TMTC2: variants seen among roughly 807,000 people sequenced by gnomAD.
The protein encoded by TMTC2 is protein O-mannosyl-transferase TMTC2.
In TMTC2, 43 loss-of-function variants were observed where a neutral mutation model predicts 82.4. That is an observed-to-expected ratio of 0.52 (90% CI 0.41 to 0.67). TMTC2 has a LOEUF of 0.67. Among genes scored for constraint, TMTC2 ranks in the 30% least tolerant of loss-of-function variants. The probability of loss-of-function intolerance (pLI) is 0.00; values close to 1 mark genes in which losing one functional copy is unlikely to be tolerated. For missense variants in TMTC2, 919 were observed against 1,012.4 expected (o/e 0.91, Z 1.25); for synonymous variants, 408 against 381.9 (o/e 1.07, Z -0.80).
intron 8 of TMTC2, among the ~76,000 whole-genome samples, chr12:83,019,081 G>C (rs1278231354): frequency 6.6e-6 from 1 of 152,022 alleles, no homozygotes; most frequent in East Asian, 1.9e-4. Context: ...GGCTTAATTT[G>C]GTCATGGCCA....
chr12:82,894,442 A>G (rs949233422), intron 2 of TMTC2, among the ~76,000 whole-genome samples: 1 of 152,214 alleles, frequency 6.6e-6, no homozygotes, highest in African/African-American at 2.4e-5. Flanking sequence ...GAAGTTGTAT[A>G]TGCTTAAGGT....
In TMTC2 at chr12:83,051,037, G is replaced by A. The variant is rs767397643; in HGVS notation, c.2267+19G>A. The A allele has an allele frequency of 6.3e-7, 1 of 1,575,704 alleles. No homozygotes were observed. Among genetic ancestry groups the A allele is most frequent in the Admixed American group, 1.7e-5 (1 of 57,474 alleles). ...TGCTCAGGTTAGTTTTTTTGCTGCT[G>A]TGCCTCAAAGCCTAGGCTTTGAGAG... On this transcript the variant is annotated intron_variant, in intron 10 of 11. Transcript: ENST00000321196.
chr12:82,779,726 C>T (rs544667713), intron 1 of TMTC2, among the ~76,000 whole-genome samples: 25 of 152,220 alleles, frequency 1.6e-4, no homozygotes, highest in African/African-American at 6.0e-4. Flanking sequence ...TGGTGAAACC[C>T]TGTCTCTACT....
At chr12:83,067,562 A>T (rs1337853181) in intron 11 of TMTC2, among the ~76,000 whole-genome samples, 1 of 151,904 alleles carries the variant, frequency 6.6e-6, no homozygotes, top group Non-Finnish European at 1.5e-5. Context: ...AATAGAGGGG[A>T]GGTAACTTTA....
At chr12:82,867,263 G>A (rs147147871) in intron 2 of TMTC2, among the ~76,000 whole-genome samples, 46 of 152,254 alleles carry the variant, frequency 3.0e-4, no homozygotes, top group African/African-American at 1.0e-3. Context: ...GTCAGTTTCC[G>A]TTCCAAAGGA....
chr12:82,868,207 C>A (rs974575166), intron 2 of TMTC2, among the ~76,000 whole-genome samples: 1 of 152,090 alleles, frequency 6.6e-6, no homozygotes, highest in Non-Finnish European at 1.5e-5. Flanking sequence ...TAATGGTGAT[C>A]TTTTTATCTG....
At chr12:82,711,888 T>C (rs1423942365) in intron 1 of TMTC2, among the ~76,000 whole-genome samples, 1 of 152,236 alleles carries the variant, frequency 6.6e-6, no homozygotes, top group East Asian at 1.9e-4. Context: ...CACATTTTTA[T>C]TGACAGCTCA....
At chr12:82,767,127 C>A (rs959879950) in intron 1 of TMTC2, among the ~76,000 whole-genome samples, 4 of 152,170 alleles carry the variant, frequency 2.6e-5, no homozygotes, top group African/African-American at 9.7e-5. Context: ...TATTTTAAAT[C>A]ATGAGTGAAC....
At chr12:82,867,490 C>T (rs1320253077) in intron 2 of TMTC2, among the ~76,000 whole-genome samples, 3 of 152,048 alleles carry the variant, frequency 2.0e-5, no homozygotes, top group Admixed American at 6.6e-5. Flanking sequence ...TGACTTAGTT[C>T]CTACTTAAGG....
intron 1 of TMTC2, among the ~76,000 whole-genome samples, chr12:82,797,927 C>T (rs539820906): frequency 2.0e-5 from 3 of 148,718 alleles, no homozygotes; most frequent in African/African-American, 7.4e-5. Flanking sequence ...TTTAATATAA[C>T]CACCCTAATT....
chr12:82,972,928 A>T (rs1184973784), intron 7 of TMTC2, among the ~76,000 whole-genome samples: 1 of 152,102 alleles, frequency 6.6e-6, no homozygotes, highest in African/African-American at 2.4e-5. Flanking sequence ...TTGTTTCGGA[A>T]TATATTTAAA....
intron 1 of TMTC2, among the ~76,000 whole-genome samples, chr12:82,737,180 T>C (rs557675417): frequency 1.1e-3 from 175 of 152,306 alleles, no homozygotes; most frequent in African/African-American, 4.0e-3. Flanking sequence ...AATTATAAAA[T>C]CGTGGTATTG....
rs568963184 is a variant in TMTC2 at position 83,074,948 on chromosome 12, G to T, written c.2331+13117G>T. 3.3e-5 allele frequency among the ~76,000 whole-genome samples: 5 copies of T among 152,292 alleles called. No individual in the cohort carries two copies. The East Asian group carries it at 9.7e-4, about 29-fold the overall frequency. ...TTCAGCTAGAGATTTCCTTCTCCCT[G>T]TGGAGTTTTACCCCCTGCTCCTCTG... is the stretch of plus-strand genomic sequence containing the variant. On this transcript the variant is annotated intron_variant, in intron 11 of 11. Transcript: ENST00000321196.
At chr12:82,744,596 G>C (rs867494815) in intron 1 of TMTC2, among the ~76,000 whole-genome samples, 1 of 37,004 alleles carries the variant, frequency 2.7e-5, no homozygotes, top group Non-Finnish European at 7.2e-5. Flanking sequence ...AAAAAAAAAA[G>C]AGTGAAGGCA....
At chr12:82,882,568 C>G (rs1320617091) in intron 2 of TMTC2, among the ~76,000 whole-genome samples, 2 of 151,866 alleles carry the variant, frequency 1.3e-5, no homozygotes, top group Non-Finnish European at 2.9e-5. Context: ...CTTAGTAAAC[C>G]CAGAATGTTC....
intron 11 of TMTC2, among the ~76,000 whole-genome samples, chr12:83,111,428 A>G (rs908344937): frequency 3.3e-5 from 5 of 152,176 alleles, no homozygotes; most frequent in Non-Finnish European, 7.3e-5. Flanking sequence ...TTATGTTCCA[A>G]TCTTTATGGC....
At chr12:82,986,216 G>T (rs1220072673) in intron 8 of TMTC2, 170 bp downstream of exon 8, 2 of 840,056 alleles carry the variant, frequency 2.4e-6, no homozygotes. Flanking sequence ...GTGTTACTTT[G>T]CCTATGAGGT....
intron 4 of TMTC2, among the ~76,000 whole-genome samples, chr12:82,939,858 A>G (rs1005522544): frequency 6.6e-6 from 1 of 152,072 alleles, no homozygotes; most frequent in South Asian, 2.1e-4. Flanking sequence ...TTTATCTTCA[A>G]TGTGAACTTG....
At chr12:82,724,091 A>G (rs1422453410) in intron 1 of TMTC2, among the ~76,000 whole-genome samples, 2 of 152,206 alleles carry the variant, frequency 1.3e-5, no homozygotes, top group African/African-American at 4.8e-5. Context: ...TGGGGAAAGA[A>G]ATTTTGTCTG....
Sources: allele counts gnomAD v4.1 joint callset (sites outside exome capture counted in the v4.1 genomes callset), GRCh38; gene constraint gnomAD v4.1.1; transcripts MANE v1.5; gene names NCBI Gene and HGNC (gene_info 2026-07-23, HGNC 2026-07-21).